The following ASIC2 variants were observed in gnomAD, a reference collection of about 807,000 sequenced individuals.
The protein encoded by ASIC2 is acid-sensing ion channel 2.
A neutral mutation model predicts 57.3 loss-of-function variants in ASIC2; 25 were observed. The ratio of observed to expected loss-of-function variants is 0.44; its 90% confidence interval spans 0.32 to 0.61. ASIC2 has a LOEUF of 0.61. Among genes scored for constraint, ASIC2 ranks in the 20% least tolerant of loss-of-function variants. ASIC2 has a pLI of 0.06. For missense variants in ASIC2, 641 were observed against 738.1 expected (o/e 0.87, Z 1.52); for synonymous variants, 319 against 307.5 (o/e 1.04, Z -0.39).
At chr17:33,467,832 C>A (rs1912915171) in intron 1 of ASIC2, among the ~76,000 whole-genome samples, 2 of 152,204 alleles carry the variant, frequency 1.3e-5, no homozygotes, top group Admixed American at 1.3e-4. Context: ...TGACTGATGT[C>A]TAAAATGTAA....
chr17:34,012,179 C>G (rs142948955), intron 1 of ASIC2, among the ~76,000 whole-genome samples: 1 of 152,300 alleles, frequency 6.6e-6, no homozygotes, highest in African/African-American at 2.4e-5. Context: ...GTCACGGAAA[C>G]CTGAACACCT....
At chr17:33,396,467 AC>A (rs36019794) in intron 1 of ASIC2, among the ~76,000 whole-genome samples, 1 of 152,208 alleles carries the variant, frequency 6.6e-6, no homozygotes, top group Admixed American at 6.5e-5. Flanking sequence ...CCTTTATTTT[AC>A]CGATGTGGGA....
chr17:33,047,833 G>C (rs913530680), intron 3 of ASIC2, among the ~76,000 whole-genome samples: 14 of 152,178 alleles, frequency 9.2e-5, no homozygotes, highest in Non-Finnish European at 2.9e-5. Context: ...GCCCTTCCTA[G>C]ATGTAATCTT....
chr17:33,379,793 G>C (rs1368007153), intron 1 of ASIC2, among the ~76,000 whole-genome samples: 1 of 152,178 alleles, frequency 6.6e-6, no homozygotes, highest in Non-Finnish European at 1.5e-5. Flanking sequence ...GGACTGCCTG[G>C]CTCTCAAGGT....
chr17:33,143,566 C>CA (rs1241739801), intron 1 of ASIC2, among the ~76,000 whole-genome samples: 1 of 152,184 alleles, frequency 6.6e-6, no homozygotes, highest in Non-Finnish European at 1.5e-5. Flanking sequence ...CCCAAGGTCA[C>CA]AGAGCCAGTT....
At chr17:33,242,100 C>T (rs1205988238) in intron 1 of ASIC2, among the ~76,000 whole-genome samples, 3 of 152,082 alleles carry the variant, frequency 2.0e-5, no homozygotes, top group Non-Finnish European at 2.9e-5. Context: ...AGGCAGATCA[C>T]GAGGTCGGGA....
intron 1 of ASIC2, among the ~76,000 whole-genome samples, chr17:33,553,562 C>A (rs1915815417): frequency 6.6e-6 from 1 of 151,886 alleles, no homozygotes; most frequent in Non-Finnish European, 1.5e-5. Context: ...CCTTGAACTC[C>A]TGGGCTTGAG....
intron 1 of ASIC2, among the ~76,000 whole-genome samples, chr17:33,746,284 A>G (rs952212872): frequency 3.3e-5 from 5 of 150,732 alleles, no homozygotes; most frequent in African/African-American, 7.3e-5. Flanking sequence ...GTGTACATGT[A>G]TATACATATA....
At chr17:33,737,600 T>C (rs183334305) in intron 1 of ASIC2, among the ~76,000 whole-genome samples, 12 of 152,358 alleles carry the variant, frequency 7.9e-5, no homozygotes, top group Non-Finnish European at 1.0e-4. Context: ...AATGGAGACA[T>C]AAAGAGTGCT....
At chr17:33,850,388 A>G (rs146593052) in intron 1 of ASIC2, among the ~76,000 whole-genome samples, 49 of 152,330 alleles carry the variant, frequency 3.2e-4, no homozygotes, top group African/African-American at 1.2e-3. Flanking sequence ...TTTCCCCAAC[A>G]TTCAGAAAGA....
At chr17:34,115,388 A>AT (rs541204180) in intron 1 of ASIC2, among the ~76,000 whole-genome samples, 124 of 152,320 alleles carry the variant, frequency 8.1e-4, no homozygotes, top group African/African-American at 2.9e-3. Flanking sequence ...AATGTTGCCC[A>AT]TGACAAGTAG....
chr17:34,065,364 T>C (rs1909132772), intron 1 of ASIC2, among the ~76,000 whole-genome samples: 1 of 151,520 alleles, frequency 6.6e-6, no homozygotes, highest in African/African-American at 2.4e-5. Context: ...GGGGGAAGAG[T>C]GGAAGGGGAG....
intron 1 of ASIC2, among the ~76,000 whole-genome samples, chr17:33,478,564 G>T (rs555805276): frequency 6.6e-6 from 1 of 152,160 alleles, no homozygotes; most frequent in African/African-American, 2.4e-5. Flanking sequence ...CAATCCTTCG[G>T]GAGAAAATTA....
chr17:34,045,845 A>C (rs1908316402), intron 1 of ASIC2, among the ~76,000 whole-genome samples: 1 of 152,240 alleles, frequency 6.6e-6, no homozygotes. Flanking sequence ...CATTCCTCGC[A>C]TTAAAAGATT....
chr17:33,541,006 G>T (rs544724431), intron 1 of ASIC2, among the ~76,000 whole-genome samples: 9 of 151,980 alleles, frequency 5.9e-5, no homozygotes, highest in African/African-American at 2.2e-4. Context: ...CATTACATTC[G>T]CCCAGACTCC....
chr17:33,681,777 C>CACTGCATT (rs964874319), intron 1 of ASIC2, among the ~76,000 whole-genome samples: 1 of 152,194 alleles, frequency 6.6e-6, no homozygotes, highest in African/African-American at 2.4e-5. Context: ...ATATGCTTGT[C>CACTGCATT]ACTGCATTTA....
At chr17:33,714,976 C>G (rs1909167370) in intron 1 of ASIC2, among the ~76,000 whole-genome samples, 1 of 115,904 alleles carries the variant, frequency 8.6e-6, no homozygotes, top group Non-Finnish European at 1.8e-5. Context: ...TGCCACCATG[C>G]CAGGCTAATT....
chr17:33,442,393 G>C (rs1417366867), intron 1 of ASIC2, among the ~76,000 whole-genome samples: 2 of 152,092 alleles, frequency 1.3e-5, no homozygotes, highest in Non-Finnish European at 2.9e-5. Flanking sequence ...TAATTCATGA[G>C]CATGAACTGT....
intron 3 of ASIC2, among the ~76,000 whole-genome samples, chr17:33,056,261 C>G (rs1034739664): frequency 6.6e-6 from 1 of 152,154 alleles, no homozygotes; most frequent in Non-Finnish European, 1.5e-5. Flanking sequence ...ACCAACACAC[C>G]CAAAGATACA....
Sources: gnomAD v4.1 joint callset for allele counts (sites outside exome capture counted in the v4.1 genomes callset) on GRCh38, gnomAD v4.1.1 for gene constraint, MANE v1.5 for transcripts, NCBI Gene and HGNC (gene_info 2026-07-23, HGNC 2026-07-21) for gene names.